Variants in RRM2B observed in about 807,000 individuals in gnomAD.
The protein encoded by RRM2B is ribonucleotide reductase regulatory TP53 inducible subunit M2B.
A neutral mutation model predicts 45.9 loss-of-function variants in RRM2B; 20 were observed. That is an observed-to-expected ratio of 0.44 (90% CI 0.31 to 0.63). The LOEUF (loss-of-function observed/expected upper bound fraction) is 0.63. RRM2B is among the 30% of genes least tolerant of loss of function. RRM2B has a pLI of 0.09. For synonymous variants in RRM2B, 124 were observed against 132.3 expected (o/e 0.94, Z 0.43); for missense variants, 320 against 414.7 (o/e 0.77, Z 1.98).
chr8:102,209,888 T>G (rs1329388073), intron 8 of RRM2B, among the ~76,000 whole-genome samples: 1 of 152,206 alleles, frequency 6.6e-6, no homozygotes, highest in East Asian at 1.9e-4. Context: ...GGCCACATAT[T>G]ATATGATTCC....
chr8:102,208,941 G>C (rs1017144872), intron 8 of RRM2B, among the ~76,000 whole-genome samples: 1 of 152,220 alleles, frequency 6.6e-6, no homozygotes, highest in African/African-American at 2.4e-5. Context: ...CCTGAAGTCA[G>C]GAGTTTGAGA....
chr8:102,213,971 A>C, intron 7 of RRM2B, 83 bp downstream of exon 7: 1 of 939,918 alleles, frequency 1.1e-6, no homozygotes, highest in Non-Finnish European at 1.7e-6. Flanking sequence ...ATTGACCTAC[A>C]GAATTTCTTA....
At chr8:102,228,711 C>T (rs1195803677) in intron 2 of RRM2B, among the ~76,000 whole-genome samples, 1 of 152,234 alleles carries the variant, frequency 6.6e-6, no homozygotes, top group Non-Finnish European at 1.5e-5. Flanking sequence ...CCTGCACCTG[C>T]TCACCTGCAT....
intron 1 of RRM2B, among the ~76,000 whole-genome samples, chr8:102,234,137 G>A (rs1811078748): frequency 6.6e-6 from 1 of 152,188 alleles, no homozygotes; most frequent in Non-Finnish European, 1.5e-5. Flanking sequence ...TGGAAGTTGG[G>A]AAGGACATCA....
chr8:102,209,452 C>T (rs551349110), intron 8 of RRM2B, among the ~76,000 whole-genome samples: 1 of 152,250 alleles, frequency 6.6e-6, no homozygotes, highest in South Asian at 2.1e-4. Flanking sequence ...TTCCCACCTA[C>T]TCGGATGGCT....
intron 7 of RRM2B, among the ~76,000 whole-genome samples, chr8:102,213,203 T>C (rs560739344): frequency 6.6e-6 from 1 of 152,196 alleles, no homozygotes; most frequent in East Asian, 1.9e-4. Context: ...AGATACTTTG[T>C]TCTAAAATAT....
At position 102,207,545 on chromosome 8, in the gene RRM2B, G is replaced by A. The variant is rs1382334219; in HGVS notation, c.*588C>T. The A allele has an allele frequency of 6.6e-6, 1 of 152,038 alleles. No individual in the cohort carries two copies. The highest frequency in any genetic ancestry group is 1.5e-5 in the Non-Finnish European group (1 of 68,056). The allele number at this position is 152,038 out of a possible 1,614,324, so 9.4% of individuals were successfully genotyped here. On this transcript the variant is annotated 3_prime_UTR_variant, in exon 9 of 9. Coordinates refer to ENST00000251810, the MANE Select transcript of RRM2B (RefSeq NM_015713.5). ...GAATGAGAATTATGTTCTTTTTAAG[G>A]AGATACTTATATTCTTCCCCTAAGC...
chr8:102,208,882 C>T (rs1810587733), intron 8 of RRM2B, among the ~76,000 whole-genome samples: 2 of 152,206 alleles, frequency 1.3e-5, no homozygotes, highest in African/African-American at 2.4e-5. Flanking sequence ...AGCATGGTGG[C>T]TCATGCCTGT....
At chr8:102,213,997 G>C (rs1006729994) in intron 7 of RRM2B, 57 bp downstream of exon 7, 1 of 1,149,312 alleles carries the variant, frequency 8.7e-7, no homozygotes. Context: ...CAATATAATA[G>C]TGGTACAAAC....
At chr8:102,231,982 C>G (rs2132562193) in intron 2 of RRM2B, among the ~76,000 whole-genome samples, 167 bp downstream of exon 2, 1 of 152,070 alleles carries the variant, frequency 6.6e-6, no homozygotes, top group South Asian at 2.1e-4. Context: ...AGATAGTAAT[C>G]TAAACTAAAA....
At chr8:102,229,099 C>G (rs28999702) in intron 2 of RRM2B, among the ~76,000 whole-genome samples, 2,834 of 152,158 alleles carry the variant, frequency 0.019, 50 homozygotes, top group Non-Finnish European at 0.028. Context: ...ACTAAAAATA[C>G]AAAATTAGCT....
rs1810777717 is a variant in RRM2B, at chr8:102,218,854, G to A, written c.644C>T (p.Pro215Leu). The A allele has an allele frequency of 6.2e-7, 1 of 1,613,666 alleles. No individual in the cohort carries two copies. The highest frequency in any genetic ancestry group is 8.5e-7 in the Non-Finnish European group (1 of 1,179,828). ...IFWLKKRGLMPGLTFSNELIS... is the reference protein window; with the variant it reads ...IFWLKKRGLMLGLTFSNELIS... ...GAGTTCATTGGAAAAAGTGAGTCCT[G>A]GCATAAGACCTCTCTTCTTTAGCCA... The change falls in exon 6 of 9, where the codon CCA becomes CTA. Residue 215 changes from proline to leucine, a missense_variant. Pro to Leu is a moderately conservative substitution (Grantham distance 98). Coordinates refer to ENST00000251810, the MANE Select transcript of RRM2B (RefSeq NM_015713.5).
In RRM2B at chr8:102,207,958, T is replaced by C; in HGVS notation, c.*175A>G. ...AGACAAAAGCATTTAGGTCACACTC[T>C]TGTTGTTAAACAGGAAAATTATATA... On this transcript the variant is annotated 3_prime_UTR_variant, in exon 9 of 9. Transcript: ENST00000251810. 1 of 578,810 alleles carries C rather than the reference T, an allele frequency of 1.7e-6. No homozygotes were observed. The highest frequency in any genetic ancestry group is 3.0e-6 in the Non-Finnish European group (1 of 328,148). 35.9% of individuals were successfully genotyped at this position (578,810 alleles called of 1,614,324 possible).
chr8:102,230,102 T>C (rs1317536262), intron 2 of RRM2B, among the ~76,000 whole-genome samples: 2 of 152,192 alleles, frequency 1.3e-5, no homozygotes, highest in African/African-American at 4.8e-5. Flanking sequence ...TTATCATAAC[T>C]GCCTGAGTGG....
At chr8:102,212,685 A>G (rs1045471754) in intron 8 of RRM2B, 91 bp downstream of exon 8, 9 of 735,906 alleles carry the variant, frequency 1.2e-5, no homozygotes, top group Non-Finnish European at 2.2e-5. Flanking sequence ...ATAGAATAGT[A>G]TGTTACAAAT....
At chr8:102,216,010 GAA>G (rs1810725124) in intron 6 of RRM2B, among the ~76,000 whole-genome samples, 1 of 131,428 alleles carries the variant, frequency 7.6e-6, no homozygotes, top group South Asian at 2.5e-4. Flanking sequence ...ACTTTCAAAA[GAA>G]AAGTTTCGAT....
rs1400386927 is a variant in RRM2B, at chr8:102,224,916, T to C, written c.424A>G (p.Ile142Val). 3 of 1,613,874 alleles carry C rather than the reference T, an allele frequency of 1.9e-6. No homozygotes were observed. The highest frequency in any genetic ancestry group is 2.7e-5 in the African/African-American group (2 of 74,910). Residue 142 changes from isoleucine to valine, a missense_variant, in exon 4 of 9, where the codon ATA becomes GTA. By Grantham distance (29) the Ile-to-Val change is conservative (BLOSUM62 3). Coordinates refer to ENST00000251810, the MANE Select transcript of RRM2B (RefSeq NM_015713.5). The stretch of plus-strand genomic sequence containing the variant: ...TTGGGATCTCTGATGTAAGTGTCTA[T>C]CAGCAAACTGTACATCTCTGAGTGA... ...NVHSEMYSLLIDTYIRDPKKR... is the reference protein window; with the variant it reads ...NVHSEMYSLLVDTYIRDPKKR...
rs1388449092 is a variant in RRM2B, at chr8:102,206,147, A to G, written c.*1986T>C. 2.0e-5 allele frequency: 3 copies of G among 152,064 alleles called. No individual in the cohort carries two copies. The highest frequency in any genetic ancestry group is 6.6e-5 in the Admixed American group (1 of 15,258). The allele number at this position is 152,064 out of a possible 1,614,324, so 9.4% of individuals were successfully genotyped here. ...TCTCTATATTTTGATACTTTAATATATATATTTAAAGTATATTCAATTAAT... is the reference window on the plus strand; with the variant it reads ...TCTCTATATTTTGATACTTTAATATGTATATTTAAAGTATATTCAATTAAT... On this transcript the variant is annotated 3_prime_UTR_variant, in exon 9 of 9. Transcript: ENST00000251810.
At chr8:102,218,348 C>A (rs1392842855) in intron 6 of RRM2B, among the ~76,000 whole-genome samples, 6 of 152,156 alleles carry the variant, frequency 3.9e-5, no homozygotes, top group African/African-American at 1.2e-4. Context: ...AATGCAGTGT[C>A]TTAAAAGCAA....
Sources: gnomAD v4.1 joint callset for allele counts (sites outside exome capture counted in the v4.1 genomes callset) on GRCh38, gnomAD v4.1.1 for gene constraint, MANE v1.5 for transcripts, NCBI Gene and HGNC (gene_info 2026-07-23, HGNC 2026-07-21) for gene names.